The following CSMD3 variants were observed in gnomAD, a reference collection of about 807,000 sequenced individuals.
CSMD3 encodes CUB and Sushi multiple domains 3, also known as CUB and sushi domain-containing protein 3.
In CSMD3, 177 loss-of-function variants were observed where a neutral mutation model predicts 435.2. The ratio of observed to expected loss-of-function variants is 0.41; its 90% CI spans 0.36 to 0.46. CSMD3 has a LOEUF of 0.46. Ranked by LOEUF, CSMD3 falls within the 20% of genes least tolerant of loss-of-function variation. The probability of loss-of-function intolerance (pLI) is 0.34; values close to 1 mark genes in which losing one functional copy is unlikely to be tolerated. For synonymous variants in CSMD3, 1,656 were observed against 1,520.5 expected, an observed-to-expected ratio of 1.09 and a Z score of -2.07; for missense variants, 4,265 against 4,504.6, an observed-to-expected ratio of 0.95 and a Z score of 1.52.
chr8:112,399,539 G>A (rs1831141180), intron 35 of CSMD3, among the ~76,000 whole-genome samples: 1 of 152,122 alleles, frequency 6.6e-6, no homozygotes, highest in African/African-American at 2.4e-5. Context: ...ACAGTTGTGA[G>A]CCACTGTGCC....
chr8:113,066,287 C>G (rs1471965495), intron 5 of CSMD3, among the ~76,000 whole-genome samples: 2 of 151,374 alleles, frequency 1.3e-5, no homozygotes, highest in African/African-American at 4.9e-5. Flanking sequence ...ACGTAGAGCA[C>G]AAAGAGAAAA....
rs1284680278 is a variant in CSMD3 at position 112,666,367 on chromosome 8, G to A, written c.2726C>T (p.Pro909Leu). The A allele has an allele frequency of 6.2e-7, 1 of 1,612,410 alleles. No individual in the cohort carries two copies. Among genetic ancestry groups the A allele is most frequent in the Non-Finnish European group, 8.5e-7 (1 of 1,179,052 alleles). ...GTCTTTGTAGTATCCTGGCCATCCT[G>A]GTGAGAGAATCACTCCACTGGGAGC... ...FSAPSGVILS[P>L]GWPGYYKDSL... The change falls in exon 17 of 71, where the codon CCA becomes CTA. Residue 909 changes from proline to leucine, a missense_variant. Physicochemically the swap from Pro to Leu is moderately conservative, Grantham distance 98 (BLOSUM62 -3). Around this residue, in one of 3 missense-constraint regions of CSMD3, gnomAD observed 279 missense variants for 369.0 expected, o/e 0.76. Transcript: ENST00000297405.
chr8:112,861,261 A>G (rs933959051), intron 10 of CSMD3, among the ~76,000 whole-genome samples: 3 of 151,874 alleles, frequency 2.0e-5, no homozygotes, highest in Non-Finnish European at 4.4e-5. Flanking sequence ...TACTATATTT[A>G]TCTTTCTAAA....
At chr8:112,855,225 C>T (rs758882540) in intron 11 of CSMD3, among the ~76,000 whole-genome samples, 15 of 152,090 alleles carry the variant, frequency 9.9e-5, no homozygotes, top group Non-Finnish European at 1.5e-4. Context: ...GACCAATATC[C>T]TTCAAACTCT....
Position 112,453,860 on chromosome 8 carries a change from C to G in CSMD3, c.5395+18731G>C, listed in dbSNP as rs12056904. 1.5e-4 allele frequency among the ~76,000 whole-genome samples: 23 copies of G among 152,262 alleles called. No homozygotes were observed. The East Asian group carries it at 4.5e-3, about 30-fold the overall frequency. On this transcript the variant is annotated intron_variant, in intron 32 of 70. Transcript: ENST00000297405. ...AGTCATCACATTACCCGACTTCAAA[C>G]TCTCCTATAAGGCTACGGTAACCAA...
chr8:113,049,882 A>C (rs2088012390), intron 5 of CSMD3, among the ~76,000 whole-genome samples: 1 of 152,190 alleles, frequency 6.6e-6, no homozygotes, highest in African/African-American at 2.4e-5. Flanking sequence ...TATATGATTC[A>C]GAAGGCTGAC....
chr8:112,847,876 T>G (rs548314387), intron 11 of CSMD3, among the ~76,000 whole-genome samples: 104 of 152,294 alleles, frequency 6.8e-4, no homozygotes, highest in African/African-American at 2.5e-3. Context: ...AGATTAAGAT[T>G]GTATTTAATG....
chr8:113,411,519 A>G (rs945087609), intron 1 of CSMD3, among the ~76,000 whole-genome samples: 6 of 152,220 alleles, frequency 3.9e-5, no homozygotes, highest in Non-Finnish European at 5.9e-5. Context: ...ATTCTGGGTT[A>G]TGATGACATT....
chr8:112,898,199 T>C (rs2082005764), intron 10 of CSMD3, among the ~76,000 whole-genome samples: 1 of 151,198 alleles, frequency 6.6e-6, no homozygotes, highest in Non-Finnish European at 1.5e-5. Context: ...AGGATACTAG[T>C]CACATCCTTT....
intron 58 of CSMD3, among the ~76,000 whole-genome samples, chr8:112,283,944 A>G (rs1324400986): frequency 6.6e-6 from 1 of 151,902 alleles, no homozygotes; most frequent in Non-Finnish European, 1.5e-5. Flanking sequence ...GGTGATGGAT[A>G]TCATAAATAT....
chr8:112,803,758 C>G, intron 12 of CSMD3, among the ~76,000 whole-genome samples: 1 of 152,188 alleles, frequency 6.6e-6, no homozygotes, highest in East Asian at 1.9e-4. Context: ...ATACAGACCT[C>G]CTTGCCAGCT....
chr8:113,429,706 G>A (rs1223894105), intron 1 of CSMD3, among the ~76,000 whole-genome samples: 2 of 151,914 alleles, frequency 1.3e-5, no homozygotes, highest in East Asian at 3.9e-4. Flanking sequence ...ATCTTCATTG[G>A]TGCCATCTGA....
At chr8:112,468,687 A>G (rs1381027766) in intron 32 of CSMD3, among the ~76,000 whole-genome samples, 1 of 152,158 alleles carries the variant, frequency 6.6e-6, no homozygotes, top group African/African-American at 2.4e-5. Context: ...CAACTAAACC[A>G]TAAGAAAAAA....
At chr8:112,717,091 C>T (rs1282779612) in intron 13 of CSMD3, among the ~76,000 whole-genome samples, 2 of 152,076 alleles carry the variant, frequency 1.3e-5, no homozygotes, top group Admixed American at 1.3e-4. Context: ...AGCTAAAGAG[C>T]TTCTGCACAG....
chr8:112,426,004 A>G (rs1813031752), intron 32 of CSMD3, among the ~76,000 whole-genome samples: 2 of 152,302 alleles, frequency 1.3e-5, no homozygotes, highest in East Asian at 1.9e-4. Flanking sequence ...ATAGAATTCC[A>G]TCACTGAAAT....
intron 4 of CSMD3, among the ~76,000 whole-genome samples, chr8:113,101,689 C>G (rs1264786596): frequency 6.6e-6 from 1 of 151,954 alleles, no homozygotes; most frequent in Non-Finnish European, 1.5e-5. Context: ...CACTTGAAAA[C>G]AAGGATAGGG....
intron 2 of CSMD3, among the ~76,000 whole-genome samples, chr8:113,299,568 A>G (rs1202836696): frequency 6.6e-6 from 1 of 152,156 alleles, no homozygotes; most frequent in Non-Finnish European, 1.5e-5. Context: ...ATGTTAGTGG[A>G]TGTGGTAAAT....
chr8:112,745,323 A>G (rs1344966924), intron 13 of CSMD3, among the ~76,000 whole-genome samples: 2 of 152,160 alleles, frequency 1.3e-5, no homozygotes, highest in African/African-American at 4.8e-5. Flanking sequence ...ACCCCATATC[A>G]TATCAAACAA....
At chr8:113,064,537 C>G (rs1414139280) in intron 5 of CSMD3, among the ~76,000 whole-genome samples, 1 of 152,018 alleles carries the variant, frequency 6.6e-6, no homozygotes, top group African/African-American at 2.4e-5. Context: ...ATGTATTTGA[C>G]ACTCTTAACA....
Sources: gnomAD v4.1 joint callset for allele counts (sites outside exome capture counted in the v4.1 genomes callset) on GRCh38, gnomAD v4.1.1 for gene constraint, gnomAD v4.1.1 regional missense constraint, MANE v1.5 for transcripts, NCBI Gene and HGNC (gene_info 2026-07-23, HGNC 2026-07-21) for gene names.